XPC: variants seen among roughly 807,000 people sequenced by gnomAD.
XPC encodes the protein DNA repair protein complementing XP-C cells.
In XPC, 76 loss-of-function variants were observed where a neutral mutation model predicts 95.8. That is an observed-to-expected ratio of 0.79 (90% confidence interval 0.66 to 0.96). The LOEUF (loss-of-function observed/expected upper bound fraction) is 0.96. Among genes scored for constraint, XPC ranks in the 40% least tolerant of loss-of-function variants. The pLI, the probability that XPC is intolerant of heterozygous loss-of-function variation, is 0.00. For synonymous variants in XPC, 442 were observed against 442.1 expected (o/e 1.00, Z 0.00); for missense variants, 1,146 against 1,179.8 (o/e 0.97, Z 0.42).
rs1696059787 is a variant in XPC at position 14,158,976 on chromosome 3, T to C, written c.991-84A>G. On this transcript the variant is annotated intron_variant, in intron 8 of 15. Transcript: ENST00000285021. The surrounding 1 kb of genome is among the most constrained non-coding windows in gnomAD (Gnocchi z 5.2). Reference sequence around the variant, plus strand: ...ATAGAAATCCTGTAATCTAATAGGGTTAAGTCACCAGCTAGAGAACCAATA... The same window carrying C: ...ATAGAAATCCTGTAATCTAATAGGGCTAAGTCACCAGCTAGAGAACCAATA... 15 of 1,560,062 alleles carry C rather than the reference T, an allele frequency of 9.6e-6. No homozygotes were observed. Among genetic ancestry groups the C allele is most frequent in the Non-Finnish European group, 1.3e-5 (15 of 1,144,204 alleles).
Position 14,168,364 on chromosome 3 carries a change from C to T in XPC, c.429G>A (p.Val143=), listed in dbSNP as rs1171632127. Residue 143 remains valine (V), a synonymous_variant, in exon 4 of 16, where the codon GTG becomes GTA. Transcript: ENST00000285021. ...WEEVEELSEP[V]LGDVRESTAF... ...CTGTACTTTCTCTCACGTCACCCAG[C>T]ACAGGCTCACTAAGTTCTATCAACA... 1.2e-6 allele frequency: 2 copies of T among 1,613,722 alleles called. No individual in the cohort carries two copies. The highest frequency in any genetic ancestry group is 1.7e-6 in the Non-Finnish European group (2 of 1,179,858).
chr3:14,147,508 C>T (rs929164910), intron 14 of XPC, 129 bp from the exon 15 acceptor site: 1 of 894,396 alleles, frequency 1.1e-6, no homozygotes, highest in South Asian at 1.6e-5. Flanking sequence ...TCCTTCACAC[C>T]AAGTCTCACT....
At chr3:14,176,260 C>T (rs372795954) in intron 1 of XPC, among the ~76,000 whole-genome samples, 43 of 152,298 alleles carry the variant, frequency 2.8e-4, no homozygotes, top group African/African-American at 9.4e-4. Flanking sequence ...TTTTTAATTG[C>T]CATATATCCA....
chr3:14,146,562 G>T (rs141444921), intron 15 of XPC, among the ~76,000 whole-genome samples: 1 of 152,174 alleles, frequency 6.6e-6, no homozygotes, highest in African/African-American at 2.4e-5. Context: ...GATCTGAGGC[G>T]GCACTCCCTG....
At chr3:14,146,318 T>C (rs1430466179) in intron 15 of XPC, among the ~76,000 whole-genome samples, 159 bp from the exon 16 acceptor site, 5 of 152,068 alleles carry the variant, frequency 3.3e-5, no homozygotes, top group Non-Finnish European at 1.5e-5. Flanking sequence ...CAGACCCTTC[T>C]TACTGAGCCG....
chr3:14,149,169 T>C (rs1390028652), intron 11 of XPC, among the ~76,000 whole-genome samples: 17 of 151,758 alleles, frequency 1.1e-4, no homozygotes, highest in Non-Finnish European at 2.2e-4. Flanking sequence ...CTGCAACCTC[T>C]GCCTCCTGGG....
Position 14,148,652 on chromosome 3 carries a change from G to C in XPC, c.2330C>G (p.Pro777Arg). Residue 777 changes from proline (P) to arginine (R), a missense_variant, in exon 13 of 16, where the codon CCC (proline) becomes CGC (arginine). By Grantham distance (103) the Pro-to-Arg change is moderately radical (BLOSUM62 -2). Transcript: ENST00000285021. ...MPIGCVQLNL[P>R]NLHRVARKLD... ...CTTGCGGGCCACGCGGTGTAGATTG[G>C]GCAGGTTCAGCTGGACACAGCCAAT... The C allele has an allele frequency of 6.2e-7, 1 of 1,613,152 alleles. No homozygotes were observed. The highest frequency in any genetic ancestry group is 1.1e-5 in the South Asian group (1 of 91,006).
chr3:14,170,386 C>CA (rs1337734051), intron 3 of XPC, 52 bp downstream of exon 3: 36 of 1,569,076 alleles, frequency 2.3e-5, no homozygotes, highest in Non-Finnish European at 2.7e-5. Context: ...CAGAATCAAA[C>CA]AAAAAAACAA....
At chr3:14,150,769 G>A (rs1043244949) in intron 11 of XPC, among the ~76,000 whole-genome samples, 2 of 152,290 alleles carry the variant, frequency 1.3e-5, no homozygotes, top group Non-Finnish European at 2.9e-5. Context: ...AACAGGTCCC[G>A]CCTGAGCAGA....
chr3:14,145,483 T>C lies in XPC; in HGVS notation c.*458A>G, dbSNP rs1240717780. The C allele has an allele frequency of 1.4e-6, 1 of 697,664 alleles. No individual in the cohort carries two copies. Among genetic ancestry groups the C allele is most frequent in the African/African-American group, 1.8e-5 (1 of 57,062 alleles). 43.2% of individuals were successfully genotyped at this position (697,664 alleles called of 1,614,324 possible). A position where few individuals can be genotyped will look rare whatever the true frequency, so the allele number is the denominator to read the frequency against. ...TAAGTGGCCTGCAGAGAAATGGTCC[T>C]AGGTCCGCAACCGAGGCGAGTGAAC... On this transcript the variant is annotated 3_prime_UTR_variant, in exon 16 of 16. Coordinates refer to ENST00000285021, the MANE Select transcript of XPC (RefSeq NM_004628.5).
At chr3:14,164,733 G>T in intron 7 of XPC, 80 bp downstream of exon 7, 2 of 1,441,476 alleles carry the variant, frequency 1.4e-6, no homozygotes, top group East Asian at 2.3e-5. Context: ...AACACACCTG[G>T]AATGGCATCT....
At chr3:14,168,417 TAAC>T (rs1696477172) in intron 3 of XPC, 37 bp from the exon 4 acceptor site, 5 of 1,610,314 alleles carry the variant, frequency 3.1e-6, no homozygotes, top group Non-Finnish European at 4.2e-6. Context: ...GTAATAGTAA[TAAC>T]AATAATAATA....
chr3:14,156,278 G>C, intron 10 of XPC, 57 bp downstream of exon 10: 1 of 1,556,148 alleles, frequency 6.4e-7, no homozygotes, highest in Non-Finnish European at 8.7e-7. Context: ...TAGGAAGAAG[G>C]CTGCTAATCC....
rs1442600961 is a variant in XPC, at chr3:14,156,318, C to T, written c.2033+17G>A. ...CCATCAGGAAGCCCCTGAGGCCAAC[C>T]AGGCTGCCTCACGCACCTGGAGTAG... On this transcript the variant is annotated intron_variant, in intron 10 of 15. Transcript: ENST00000285021. The T allele has an allele frequency of 1.9e-6, 3 of 1,605,538 alleles. No homozygotes were observed. Among genetic ancestry groups the T allele is most frequent in the African/African-American group, 1.3e-5 (1 of 74,710 alleles).
At chr3:14,149,227 G>T (rs905126744) in intron 11 of XPC, among the ~76,000 whole-genome samples, 3 of 152,190 alleles carry the variant, frequency 2.0e-5, no homozygotes, top group Non-Finnish European at 2.9e-5. Flanking sequence ...GGGATTACAG[G>T]TGCCTGCCAC....
chr3:14,162,883 A>G (rs1487671189), intron 7 of XPC, among the ~76,000 whole-genome samples: 2 of 152,234 alleles, frequency 1.3e-5, no homozygotes, highest in African/African-American at 4.8e-5. Flanking sequence ...TAGGTAACTA[A>G]TATCCAGAAT....
chr3:14,161,729 A>C (rs1269281058), intron 7 of XPC, among the ~76,000 whole-genome samples: 1 of 150,964 alleles, frequency 6.6e-6, no homozygotes, highest in Non-Finnish European at 1.5e-5. Flanking sequence ...AAAGATTGAG[A>C]GCTTTCCCTC....
At chr3:14,162,636 C>T (rs1027554527) in intron 7 of XPC, among the ~76,000 whole-genome samples, 2 of 152,114 alleles carry the variant, frequency 1.3e-5, no homozygotes, top group Non-Finnish European at 2.9e-5. Context: ...TAACTCACAA[C>T]GTATGTAAGA....
intron 10 of XPC, 111 bp from the exon 11 acceptor site, chr3:14,152,527 C>G (rs1179248029): frequency 9.6e-7 from 1 of 1,041,416 alleles, no homozygotes; most frequent in African/African-American, 1.6e-5. Flanking sequence ...TTCAGCCACC[C>G]TGGAGCAGGC....
Sources: gnomAD v4.1 joint callset for allele counts (sites outside exome capture counted in the v4.1 genomes callset) on GRCh38, gnomAD v4.1.1 for gene constraint, Gnocchi (gnomAD v3.1) non-coding constraint, MANE v1.5 for transcripts, NCBI Gene and HGNC (gene_info 2026-07-23, HGNC 2026-07-21) for gene names.